ANK2: variants seen among roughly 807,000 people sequenced by gnomAD.
ANK2 encodes ankyrin 2.
In ANK2, 83 loss-of-function variants were observed where a neutral mutation model predicts 360.5. That is an observed-to-expected ratio of 0.23 (90% CI 0.19 to 0.28). The LOEUF (loss-of-function observed/expected upper bound fraction) is 0.28. Ranked by LOEUF, ANK2 falls within the 10% of genes least tolerant of loss-of-function variation. The pLI is 1.00. For synonymous variants in ANK2, 1,740 were observed against 1,759.5 expected (o/e 0.99, Z 0.28); for missense variants, 4,201 against 4,795.7 (o/e 0.88, Z 3.66).
intron 1 of ANK2, among the ~76,000 whole-genome samples, chr4:112,853,786 G>C (rs1311149145): frequency 6.6e-6 from 1 of 152,186 alleles, no homozygotes; most frequent in African/African-American, 2.4e-5. Flanking sequence ...AAATCTAGGA[G>C]AAATTGGAAA....
At chr4:113,306,162 A>T (rs1317885366) in intron 23 of ANK2, among the ~76,000 whole-genome samples, 2 of 152,224 alleles carry the variant, frequency 1.3e-5, no homozygotes, top group Non-Finnish European at 1.5e-5. Flanking sequence ...ATGGAGAAAT[A>T]ATGTATATAT....
intron 37 of ANK2, among the ~76,000 whole-genome samples, chr4:113,352,521 T>G (rs1042738394): frequency 1.7e-4 from 26 of 152,240 alleles, no homozygotes; most frequent in African/African-American, 5.8e-4. Context: ...GACTTTTATA[T>G]GATTAAAAAT....
At chr4:113,222,473 C>T (rs1478236885) in intron 4 of ANK2, among the ~76,000 whole-genome samples, 13 of 150,934 alleles carry the variant, frequency 8.6e-5, no homozygotes, top group African/African-American at 2.4e-4. Flanking sequence ...CTCGGCTCAC[C>T]GCAACCTCTG....
intron 1 of ANK2, among the ~76,000 whole-genome samples, chr4:113,155,085 T>C (rs2097231959): frequency 6.6e-6 from 1 of 152,252 alleles, no homozygotes; most frequent in Non-Finnish European, 1.5e-5. Flanking sequence ...TCCATATTAA[T>C]TATCATCAAT....
chr4:113,254,227 C>CTT (rs2048066419), intron 10 of ANK2, among the ~76,000 whole-genome samples: 1 of 152,148 alleles, frequency 6.6e-6, no homozygotes, highest in East Asian at 1.9e-4. Flanking sequence ...ATACTATATA[C>CTT]TTTAATTCTT....
intron 1 of ANK2, among the ~76,000 whole-genome samples, chr4:112,872,864 A>AT (rs937799950): frequency 1.9e-4 from 28 of 150,566 alleles, no homozygotes; most frequent in Admixed American, 1.1e-3. Context: ...TGTGAAAAAA[A>AT]TTTTTTTTTT....
intron 1 of ANK2, among the ~76,000 whole-genome samples, chr4:113,064,356 G>A (rs2074769613): frequency 6.6e-6 from 1 of 152,116 alleles, no homozygotes; most frequent in Non-Finnish European, 1.5e-5. Context: ...ACAGGTTTTT[G>A]TGTCTGTTTT....
intron 2 of ANK2, among the ~76,000 whole-genome samples, chr4:112,948,627 G>C (rs955023544): frequency 2.0e-5 from 3 of 151,988 alleles, no homozygotes; most frequent in African/African-American, 7.3e-5. Flanking sequence ...TCTTTTTCCT[G>C]GCCCTGGCTA....
At chr4:112,721,186 G>C in the ANK2 span, among the ~76,000 whole-genome samples, 2 of 152,214 alleles carry the variant, frequency 1.3e-5, no homozygotes, top group Admixed American at 1.3e-4. Flanking sequence ...CTTGGAAGGA[G>C]GGTTGCTATT....
the ANK2 span, among the ~76,000 whole-genome samples, chr4:112,800,506 G>A: frequency 6.6e-6 from 1 of 152,250 alleles, no homozygotes; most frequent in East Asian, 1.9e-4. Context: ...TAGCTGTAAG[G>A]TATTCATTGC....
intron 2 of ANK2, among the ~76,000 whole-genome samples, chr4:112,991,619 C>CT (rs35505334): frequency 0.62 from 78,409 of 125,714 alleles, 24,921 homozygotes; most frequent in South Asian, 0.73. Flanking sequence ...TTCTTTCTTT[C>CT]TTTTTTTTTT....
chr4:113,178,432 C>T (rs1444090640), intron 2 of ANK2, among the ~76,000 whole-genome samples: 2 of 151,740 alleles, frequency 1.3e-5, no homozygotes, highest in South Asian at 2.1e-4. Flanking sequence ...ATTAGCCGGG[C>T]GTGGCAGCAG....
intron 1 of ANK2, among the ~76,000 whole-genome samples, chr4:112,874,752 A>G (rs2074466870): frequency 6.6e-6 from 1 of 152,094 alleles, no homozygotes; most frequent in African/African-American, 2.4e-5. Context: ...AATTCAACTC[A>G]GAAATGTTTG....
intron 1 of ANK2, among the ~76,000 whole-genome samples, chr4:112,843,235 C>A (rs1320854955): frequency 6.6e-6 from 1 of 152,136 alleles, no homozygotes; most frequent in Non-Finnish European, 1.5e-5. Context: ...TGTTATTTAG[C>A]CTTCACGGAG....
intron 1 of ANK2, among the ~76,000 whole-genome samples, chr4:112,883,444 T>G (rs2077362693): frequency 6.6e-6 from 1 of 152,148 alleles, no homozygotes; most frequent in Non-Finnish European, 1.5e-5. Context: ...TGCAATTTAA[T>G]TAAATATTAT....
At chr4:113,096,022 G>A (rs1258429041) in intron 1 of ANK2, among the ~76,000 whole-genome samples, 1 of 152,142 alleles carries the variant, frequency 6.6e-6, no homozygotes, top group Non-Finnish European at 1.5e-5. Context: ...CTGATGAGGG[G>A]CTGCCAAAGT....
chr4:112,858,895 G>T (rs745890050), intron 1 of ANK2, among the ~76,000 whole-genome samples: 1 of 152,056 alleles, frequency 6.6e-6, no homozygotes, highest in Non-Finnish European at 1.5e-5. Context: ...TGGGGACATG[G>T]GTCTCCTCCC....
chr4:112,849,332 A>G (rs2064078294), intron 1 of ANK2, among the ~76,000 whole-genome samples: 1 of 152,160 alleles, frequency 6.6e-6, no homozygotes, highest in African/African-American at 2.4e-5. Flanking sequence ...AAGAAATACC[A>G]GTCTTTGTGT....
intron 1 of ANK2, among the ~76,000 whole-genome samples, chr4:112,853,963 C>T (rs1305530968): frequency 2.0e-5 from 3 of 152,132 alleles, no homozygotes; most frequent in Non-Finnish European, 2.9e-5. Flanking sequence ...TAATGTTAGG[C>T]ATAAGAGTTA....
Sources: gnomAD v4.1 joint callset for allele counts (sites outside exome capture counted in the v4.1 genomes callset) on GRCh38, gnomAD v4.1.1 for gene constraint, MANE v1.5 for transcripts, NCBI Gene and HGNC (gene_info 2026-07-23, HGNC 2026-07-21) for gene names.